The following FREM3 variants were observed in gnomAD, a reference collection of about 807,000 sequenced individuals.
FREM3 encodes FRAS1 related extracellular matrix 3, also known as FRAS1-related extracellular matrix protein 3.
FREM3 carries 105 observed loss-of-function variants against 129.1 expected under a neutral mutation model. That is an observed-to-expected ratio of 0.81 (90% CI 0.69 to 0.96). The LOEUF is 0.96. Among genes scored for constraint, FREM3 ranks in the 40% least tolerant of loss-of-function variants. The probability of loss-of-function intolerance (pLI) is 0.00; values close to 1 mark genes in which losing one functional copy is unlikely to be tolerated. For synonymous variants in FREM3, 1,014 were observed against 1,044.9 expected, an observed-to-expected ratio of 0.97 and a Z score of 0.57; for missense variants, 2,593 against 2,666.3, an observed-to-expected ratio of 0.97 and a Z score of 0.61.
intron 2 of FREM3, among the ~76,000 whole-genome samples, chr4:143,641,054 C>A (rs1374717239): frequency 6.6e-6 from 1 of 152,108 alleles, no homozygotes; most frequent in African/African-American, 2.4e-5. Context: ...CTTAGAAACA[C>A]CTGGTCCCAA....
Position 143,698,857 on chromosome 4 carries a change from C to G in FREM3, c.1819G>C (p.Gly607Arg), listed in dbSNP as rs761415916. ...AGCAACAGGTCCCCCAGGTAGTGGC[C>G]TGAGTGGGAGGAACCAGGGGCCAAC... is the stretch of plus-strand genomic sequence containing the variant. The part of the protein sequence containing the change: ...WELAPGSSHS[G>R]HYLGDLLLQQ... Residue 607 changes from glycine (G) to arginine (R), a missense_variant, in exon 1 of 8, where the codon GGC becomes CGC. This residue lies in a region of FREM3 where 2,276 missense variants were observed against 2,267.2 expected (regional missense o/e 1.00). Coordinates refer to ENST00000329798, the MANE Select transcript of FREM3 (RefSeq NM_001168235.2). 10 of 1,537,570 alleles carry G rather than the reference C, an allele frequency of 6.5e-6. 1 individual carries two copies. The South Asian group carries it at 1.2e-4, about 18-fold the overall frequency.
chr4:143,608,199 A>G (rs1289693104), intron 6 of FREM3, among the ~76,000 whole-genome samples: 2 of 152,204 alleles, frequency 1.3e-5, no homozygotes, highest in African/African-American at 2.4e-5. Context: ...GGTGGTTAGA[A>G]TGTGGATATC....
intron 6 of FREM3, among the ~76,000 whole-genome samples, chr4:143,597,169 A>C (rs1407928326): frequency 6.6e-6 from 1 of 152,188 alleles, no homozygotes; most frequent in Non-Finnish European, 1.5e-5. Context: ...CAAACAAGCA[A>C]AAAATCGTTG....
At chr4:143,595,745 A>G (rs551490753) in intron 6 of FREM3, among the ~76,000 whole-genome samples, 144 of 152,196 alleles carry the variant, frequency 9.5e-4, no homozygotes, top group African/African-American at 2.9e-3. Context: ...AAAATTAGCC[A>G]GGTGTGGTGG....
chr4:143,597,541 T>A (rs1258447947), intron 6 of FREM3, among the ~76,000 whole-genome samples: 1 of 152,194 alleles, frequency 6.6e-6, no homozygotes, highest in Non-Finnish European at 1.5e-5. Context: ...CTGTTTTGGC[T>A]TTTAAAACCA....
chr4:143,608,255 A>T (rs185927780), intron 6 of FREM3, among the ~76,000 whole-genome samples: 33 of 152,300 alleles, frequency 2.2e-4, no homozygotes, highest in Middle Eastern at 3.4e-3. Context: ...AAGGACTTGA[A>T]TGTCTGCTTT....
rs1279961346 is a variant in FREM3 at position 143,693,078 on chromosome 4, C to A, written c.5275+35G>T. The A allele has an allele frequency of 1.4e-5, 16 of 1,111,688 alleles. No individual in the cohort carries two copies. In the South Asian group the frequency reaches 2.6e-4, roughly 18 times the overall value. The allele number at this position is 1,111,688 out of a possible 1,614,324, so 68.9% of individuals were successfully genotyped here. A position where few individuals can be genotyped will look rare whatever the true frequency, so the allele number is the denominator to read the frequency against. Reference sequence around the variant, plus strand: ...CCAATTTTATGTTGATTTTAGTTAACCATGAATCCTTTTGAAGGGTTTATT... The same window carrying A: ...CCAATTTTATGTTGATTTTAGTTAAACATGAATCCTTTTGAAGGGTTTATT... On this transcript the variant is annotated intron_variant, in intron 2 of 7. Coordinates refer to ENST00000329798, the MANE Select transcript of FREM3 (RefSeq NM_001168235.2).
chr4:143,601,364 A>G (rs927453041), intron 6 of FREM3, among the ~76,000 whole-genome samples: 2 of 152,160 alleles, frequency 1.3e-5, no homozygotes, highest in Non-Finnish European at 2.9e-5. Flanking sequence ...CTAGCTGGTA[A>G]TATTTATAGG....
At chr4:143,674,500 T>C (rs1161693030) in intron 2 of FREM3, among the ~76,000 whole-genome samples, 1 of 152,100 alleles carries the variant, frequency 6.6e-6, no homozygotes, top group East Asian at 1.9e-4. Context: ...GCAAAATAAC[T>C]GGCTGACATC....
Position 143,700,173 on chromosome 4 carries a change from T to C in FREM3, c.503A>G (p.Glu168Gly). 1 of 1,536,926 alleles carries C rather than the reference T, an allele frequency of 6.5e-7. No individual in the cohort carries two copies. The highest frequency in any genetic ancestry group is 8.7e-7 in the Non-Finnish European group (1 of 1,146,896). The change falls in exon 1 of 8, where the codon GAG becomes GGG. Residue 168 changes from glutamate (E) to glycine (G), a missense_variant. By Grantham distance (98) the Glu-to-Gly change is moderately conservative (BLOSUM62 -2). Around this residue, in one of 2 missense-constraint regions of FREM3, gnomAD observed 2,276 missense variants for 2,267.2 expected, o/e 1.00. Coordinates refer to ENST00000329798, the MANE Select transcript of FREM3 (RefSeq NM_001168235.2). The part of the protein sequence containing the change: ...LAVDLVFSQL[E>G]LVTRNRPLVV... ...CAAAGGCCTGTTACGCGTCACCAGCTCCAGCTGGGAGAAGACCAAGTCCAC... is the reference window on the plus strand; with the variant it reads ...CAAAGGCCTGTTACGCGTCACCAGCCCCAGCTGGGAGAAGACCAAGTCCAC...
At chr4:143,633,729 A>C (rs1739182010) in intron 2 of FREM3, among the ~76,000 whole-genome samples, 1 of 152,188 alleles carries the variant, frequency 6.6e-6, no homozygotes, top group African/African-American at 2.4e-5. Flanking sequence ...TGGAATGCAT[A>C]AATCAATTAC....
chr4:143,580,757 G>C (rs1373436616), intron 7 of FREM3, among the ~76,000 whole-genome samples: 1 of 152,244 alleles, frequency 6.6e-6, no homozygotes, highest in Non-Finnish European at 1.5e-5. Context: ...AGGCAGGCCT[G>C]TCAGTTTTGC....
chr4:143,620,650 G>T (rs1325163987), intron 5 of FREM3, among the ~76,000 whole-genome samples: 1 of 152,164 alleles, frequency 6.6e-6, no homozygotes, highest in Non-Finnish European at 1.5e-5. Flanking sequence ...TTACAATATT[G>T]CCCAGAGGCA....
chr4:143,687,403 A>G (rs777396325), intron 2 of FREM3, among the ~76,000 whole-genome samples: 1 of 152,168 alleles, frequency 6.6e-6, no homozygotes, highest in Non-Finnish European at 1.5e-5. Flanking sequence ...CCAGGACCAG[A>G]TGGATTCACA....
At chr4:143,659,084 T>TTTTA (rs1485534169) in intron 2 of FREM3, among the ~76,000 whole-genome samples, 8 of 92,962 alleles carry the variant, frequency 8.6e-5, no homozygotes, top group Non-Finnish European at 1.7e-4. Flanking sequence ...TATTTATTAT[T>TTTTA]TTTATTTATT....
chr4:143,691,619 A>G (rs1740472555), intron 2 of FREM3, among the ~76,000 whole-genome samples: 2 of 152,208 alleles, frequency 1.3e-5, no homozygotes, highest in South Asian at 4.1e-4. Context: ...TTATTCAACC[A>G]TGGTGTCTTC....
intron 5 of FREM3, among the ~76,000 whole-genome samples, chr4:143,617,207 G>A (rs2149840422): frequency 6.6e-6 from 1 of 152,236 alleles, no homozygotes; most frequent in African/African-American, 2.4e-5. Flanking sequence ...TCATTATAGA[G>A]CAAGAGTTTT....
At chr4:143,678,382 G>C (rs1302581390) in intron 2 of FREM3, among the ~76,000 whole-genome samples, 1 of 151,988 alleles carries the variant, frequency 6.6e-6, no homozygotes, top group Non-Finnish European at 1.5e-5. Flanking sequence ...CACACACCGG[G>C]GCCTGTTGTT....
intron 2 of FREM3, among the ~76,000 whole-genome samples, chr4:143,631,314 T>C (rs1484579062): frequency 6.6e-6 from 1 of 151,928 alleles, no homozygotes; most frequent in African/African-American, 2.4e-5. Context: ...AGAAAAGTTG[T>C]GTTATTATAA....
Sources: gnomAD v4.1 joint callset for allele counts (sites outside exome capture counted in the v4.1 genomes callset) on GRCh38, gnomAD v4.1.1 for gene constraint, gnomAD v4.1.1 regional missense constraint, MANE v1.5 for transcripts, NCBI Gene and HGNC (gene_info 2026-07-23, HGNC 2026-07-21) for gene names.